Variants in SAMD15 observed in about 807,000 individuals in gnomAD.
The protein encoded by SAMD15 is sterile alpha motif domain-containing protein 15.
Under a neutral mutation model 50.5 loss-of-function variants are expected in SAMD15, and 37 were observed. The observed-to-expected ratio is 0.73, with a 90% confidence interval of 0.56 to 0.96. The LOEUF (loss-of-function observed/expected upper bound fraction) is 0.96. Ranked by LOEUF, SAMD15 falls within the 40% of genes least tolerant of loss-of-function variation. The pLI is 0.00. For missense variants in SAMD15, 789 were observed against 783.8 expected (o/e 1.01, Z -0.08); for synonymous variants, 255 against 282.8 (o/e 0.90, Z 0.99).
chr14:77,385,676 T>C (rs1324518362), intron 2 of SAMD15, among the ~76,000 whole-genome samples: 1 of 152,176 alleles, frequency 6.6e-6, no homozygotes, highest in East Asian at 1.9e-4. Flanking sequence ...GTTCAGTGTT[T>C]GTGTACAGCT....
intron 2 of SAMD15, among the ~76,000 whole-genome samples, chr14:77,382,513 C>T (rs1893954811): frequency 6.6e-6 from 1 of 152,060 alleles, no homozygotes; most frequent in Admixed American, 6.6e-5. Context: ...CCGGCCTTGG[C>T]CTCCCAGAAG....
At chr14:77,389,650 G>A (rs556636872) in intron 2 of SAMD15, among the ~76,000 whole-genome samples, 1 of 152,110 alleles carries the variant, frequency 6.6e-6, no homozygotes, top group African/African-American at 2.4e-5. Flanking sequence ...ACAGGAGCAT[G>A]CCACCACACC....
In SAMD15 at chr14:77,391,319, T is replaced by C. The variant is rs754185158; in HGVS notation, c.*75T>C. On this transcript the variant is annotated 3_prime_UTR_variant, in exon 3 of 3. Coordinates refer to ENST00000216471, the MANE Select transcript of SAMD15 (RefSeq NM_001010860.4). ...GAAGAGGTATGGTCTTTTTTGGTTT[T>C]CTTTTTCTCCTTTTTTTTTTTTTTA... 16 of 1,011,248 alleles carry C rather than the reference T, an allele frequency of 1.6e-5. No homozygotes were observed. In the Admixed American group the frequency reaches 3.7e-4, roughly 24 times the overall value. 62.6% of individuals were successfully genotyped at this position (1,011,248 alleles called of 1,614,324 possible). A position where few individuals can be genotyped will look rare whatever the true frequency, so the allele number is the denominator to read the frequency against.
chr14:77,386,047 G>A (rs920123073), intron 2 of SAMD15, among the ~76,000 whole-genome samples: 1 of 151,732 alleles, frequency 6.6e-6, no homozygotes, highest in African/African-American at 2.4e-5. Flanking sequence ...ATAGAGATGG[G>A]GTTTCGCCAT....
intron 2 of SAMD15, among the ~76,000 whole-genome samples, chr14:77,383,944 C>T (rs2139651012): frequency 7.1e-6 from 1 of 140,334 alleles, no homozygotes; most frequent in African/African-American, 2.7e-5. Flanking sequence ...ATGAACTGCA[C>T]TCCAGCCTGG....
chr14:77,391,019 G>C lies in SAMD15; in HGVS notation c.1800G>C (p.Arg600=), dbSNP rs778321093. 1.2e-6 allele frequency: 2 copies of C among 1,607,422 alleles called. No homozygotes were observed. The highest frequency in any genetic ancestry group is 4.5e-5 in the East Asian group (2 of 44,854). ...TCCTTGCGTTTCAGGCAATTTCTCG[G>C]CATACGCAGGAGCTCCTGGAAATTG... ...TNFEDMKAIS[R]HTQELLEIEE... The change falls in exon 3 of 3, where the codon CGG becomes CGC. Residue 600 remains arginine (R), a synonymous_variant. Coordinates refer to ENST00000216471, the MANE Select transcript of SAMD15 (RefSeq NM_001010860.4).
intron 2 of SAMD15, among the ~76,000 whole-genome samples, chr14:77,381,857 C>T (rs79685241): frequency 0.026 from 3,997 of 152,210 alleles, 182 homozygotes; most frequent in African/African-American, 0.092. Flanking sequence ...CACTAATTCC[C>T]ATTTTATAGA....
rs373953396 is a variant in SAMD15 at position 77,378,896 on chromosome 14, C to T, written c.1478C>T (p.Ser493Leu). The T allele has an allele frequency of 2.3e-5, 37 of 1,613,752 alleles. No homozygotes were observed. The highest frequency in any genetic ancestry group is 3.0e-5 in the Non-Finnish European group (35 of 1,179,842). Reference protein sequence around the residue: ...QKLLNVSEECSYSDPSESQTE... With the variant: ...QKLLNVSEECLYSDPSESQTE... ...TTGCTTAATGTCAGTGAAGAATGCT[C>T]ATACTCAGATCCCTCAGAGTCTCAG... is the stretch of plus-strand genomic sequence containing the variant. Residue 493 changes from serine (S) to leucine (L), a missense_variant, in exon 1 of 3, where the codon TCA becomes TTA. Ser to Leu is a moderately radical substitution (Grantham distance 145). Transcript: ENST00000216471.
Position 77,378,091 on chromosome 14 carries a change from C to G in SAMD15, c.673C>G (p.Leu225Val). ...DFPSEKLGES[L>V]EETDLQPPKM... ...TCCAAGTGAGAAACTAGGAGAATCA[C>G]TTGAAGAGACAGATCTTCAGCCACC... The change falls in exon 1 of 3, where the codon CTT (leucine) becomes GTT (valine). Residue 225 changes from leucine to valine, a missense_variant. Around this residue, in one of 2 missense-constraint regions of SAMD15, gnomAD observed 770 missense variants for 745.4 expected, o/e 1.03. Transcript: ENST00000216471. The G allele has an allele frequency of 1.9e-6, 3 of 1,613,846 alleles. No individual in the cohort carries two copies. Among genetic ancestry groups the G allele is most frequent in the South Asian group, 2.2e-5 (2 of 91,082 alleles).
chr14:77,388,462 C>T (rs1374771410), intron 2 of SAMD15, among the ~76,000 whole-genome samples: 3 of 150,940 alleles, frequency 2.0e-5, no homozygotes, highest in Non-Finnish European at 4.4e-5. Flanking sequence ...ACCTAGGCCG[C>T]AGTGCAGTGG....
At chr14:77,382,514 C>G (rs1336777709) in intron 2 of SAMD15, among the ~76,000 whole-genome samples, 1 of 152,146 alleles carries the variant, frequency 6.6e-6, no homozygotes, top group Non-Finnish European at 1.5e-5. Flanking sequence ...CGGCCTTGGC[C>G]TCCCAGAAGT....
intron 2 of SAMD15, among the ~76,000 whole-genome samples, chr14:77,390,010 T>TC (rs1260836084): frequency 6.6e-6 from 1 of 151,872 alleles, no homozygotes; most frequent in Non-Finnish European, 1.5e-5. Flanking sequence ...TGATTTTTTT[T>TC]TTTTGATGGA....
Position 77,378,355 on chromosome 14 carries a change from C to T in SAMD15, c.937C>T (p.Pro313Ser). The T allele has an allele frequency of 6.2e-7, 1 of 1,613,032 alleles. No individual in the cohort carries two copies. Among genetic ancestry groups the T allele is most frequent in the Non-Finnish European group, 8.5e-7 (1 of 1,179,784 alleles). ...ACCTGAGCGGACTAAACCAGACTTTCCAGACCACAAGCCAAGAAAGTCTAC... is the reference window on the plus strand; with the variant it reads ...ACCTGAGCGGACTAAACCAGACTTTTCAGACCACAAGCCAAGAAAGTCTAC... ...ELPERTKPDF[P>S]DHKPRKSTDE... The change falls in exon 1 of 3, where the codon CCA becomes TCA. Residue 313 changes from proline to serine, a missense_variant. Transcript: ENST00000216471.
chr14:77,380,695 C>T (rs773493887), intron 2 of SAMD15, among the ~76,000 whole-genome samples: 30 of 152,096 alleles, frequency 2.0e-4, no homozygotes, highest in Non-Finnish European at 3.4e-4. Flanking sequence ...GCACTTACAC[C>T]GTCTGGCTTT....
chr14:77,391,307 C>CT lies in SAMD15; in HGVS notation c.*69dup. 1 of 1,005,696 alleles carries CT rather than the reference C, an allele frequency of 9.9e-7. No individual in the cohort carries two copies. Among genetic ancestry groups the CT allele is most frequent in the Non-Finnish European group, 1.5e-6 (1 of 673,330 alleles). The allele number at this position is 1,005,696 out of a possible 1,614,324, so 62.3% of individuals were successfully genotyped here. A position where few individuals can be genotyped will look rare whatever the true frequency, so the allele number is the denominator to read the frequency against. On this transcript the variant is annotated 3_prime_UTR_variant, in exon 3 of 3. Transcript: ENST00000216471. Reference sequence around the variant, plus strand: ...AATTACTTGAGGGAAGAGGTATGGTCTTTTTTGGTTTTCTTTTTCTCCTTT... The same window carrying CT: ...AATTACTTGAGGGAAGAGGTATGGTCTTTTTTTGGTTTTCTTTTTCTCCTTT...
intron 2 of SAMD15, among the ~76,000 whole-genome samples, chr14:77,383,182 G>T (rs1467502650): frequency 1.3e-5 from 2 of 152,120 alleles, no homozygotes; most frequent in African/African-American, 2.4e-5. Flanking sequence ...GGAACAGGCT[G>T]CTCTGCCTAC....
rs1459815153 is a variant in SAMD15, at chr14:77,378,518, C to CA, written c.1103dup (p.Asn368LysfsTer2). ...GAAAGTCCAGAAGAGATAAGAAAGT[C>CA]AAATGAGAAAAAAAATCCACAGCCA... On this transcript the variant is annotated frameshift_variant, in exon 1 of 3. Transcript: ENST00000216471. LOFTEE classifies it high-confidence loss of function. 4.3e-6 allele frequency: 7 copies of CA among 1,613,370 alleles called. No homozygotes were observed. The highest frequency in any genetic ancestry group is 5.9e-6 in the Non-Finnish European group (7 of 1,179,888).
chr14:77,380,418 A>G lies in SAMD15; in HGVS notation c.1725A>G (p.Lys575=), dbSNP rs1893930623. ...TCACAAACTTCATCAGTGGCCGAAA[A>G]CTCATTCACGTCAACTGCTCAAACC... ...CFITNFISGR[K]LIHVNCSNLP... is the part of the protein sequence containing the mutation. The change falls in exon 2 of 3, where the codon AAA becomes AAG. Residue 575 remains lysine, a synonymous_variant. Transcript: ENST00000216471. 6.2e-7 allele frequency: 1 copy of G among 1,613,834 alleles called. No homozygotes were observed. Among genetic ancestry groups the G allele is most frequent in the Non-Finnish European group, 8.5e-7 (1 of 1,179,850 alleles).
At chr14:77,382,959 C>T (rs1893963583) in intron 2 of SAMD15, among the ~76,000 whole-genome samples, 1 of 151,354 alleles carries the variant, frequency 6.6e-6, no homozygotes, top group South Asian at 2.1e-4. Context: ...CAGATCCACC[C>T]GCCTCAGCCT....
Sources: gnomAD v4.1 joint callset for allele counts (sites outside exome capture counted in the v4.1 genomes callset) on GRCh38, gnomAD v4.1.1 for gene constraint, gnomAD v4.1.1 regional missense constraint, MANE v1.5 for transcripts, NCBI Gene and HGNC (gene_info 2026-07-23, HGNC 2026-07-21) for gene names.